SYN3: variants seen among roughly 807,000 people sequenced by gnomAD.
The protein encoded by SYN3 is synapsin-3.
Under a neutral mutation model 65.8 loss-of-function variants are expected in SYN3, and 35 were observed. That is an observed-to-expected ratio of 0.53 (90% CI 0.41 to 0.70). SYN3 has a LOEUF of 0.70. Ranked by LOEUF, SYN3 falls within the 30% of genes least tolerant of loss-of-function variation. The probability of loss-of-function intolerance (pLI) is 0.00; values close to 1 mark genes in which losing one functional copy is unlikely to be tolerated. For missense variants in SYN3, 680 were observed against 749.0 expected (o/e 0.91, Z 1.08); for synonymous variants, 270 against 292.9 (o/e 0.92, Z 0.80).
At chr22:32,671,491 T>C (rs1393756103) in intron 6 of SYN3, among the ~76,000 whole-genome samples, 3 of 151,876 alleles carry the variant, frequency 2.0e-5, no homozygotes, top group African/African-American at 7.3e-5. Flanking sequence ...ACACATGCTG[T>C]CGCACAGGTG....
intron 6 of SYN3, among the ~76,000 whole-genome samples, chr22:32,786,435 T>C (rs1286327533): frequency 2.0e-5 from 3 of 151,720 alleles, no homozygotes; most frequent in African/African-American, 7.3e-5. Context: ...GCTGGAGTGC[T>C]CACTGCAAGC....
At chr22:32,940,188 A>C (rs2050895056) in intron 3 of SYN3, among the ~76,000 whole-genome samples, 1 of 152,084 alleles carries the variant, frequency 6.6e-6, no homozygotes, top group African/African-American at 2.4e-5. Context: ...TTTTTTGTTC[A>C]CATTTGTATT....
At chr22:33,042,894 T>A (rs1273754862) in intron 1 of SYN3, among the ~76,000 whole-genome samples, 2 of 152,222 alleles carry the variant, frequency 1.3e-5, no homozygotes, top group Non-Finnish European at 2.9e-5. Flanking sequence ...ATCCCTGAGC[T>A]GCAGGTGGAA....
chr22:32,876,843 T>C (rs2048997116), intron 4 of SYN3, among the ~76,000 whole-genome samples: 1 of 152,250 alleles, frequency 6.6e-6, no homozygotes, highest in Admixed American at 6.5e-5. Flanking sequence ...AGGTGGCAGG[T>C]GATTTCTCTT....
chr22:32,717,081 A>G (rs1394247684), intron 6 of SYN3, among the ~76,000 whole-genome samples: 2 of 152,114 alleles, frequency 1.3e-5, no homozygotes, highest in African/African-American at 4.8e-5. Context: ...ACTTACATAT[A>G]TCAACTCATT....
chr22:32,610,873 C>T (rs1361594066), intron 6 of SYN3, among the ~76,000 whole-genome samples: 3 of 152,206 alleles, frequency 2.0e-5, no homozygotes. Context: ...TGAGCCACTG[C>T]GTCCAGCCAC....
At chr22:33,051,707 T>TCC (rs2054170223) in intron 1 of SYN3, among the ~76,000 whole-genome samples, 1 of 151,210 alleles carries the variant, frequency 6.6e-6, no homozygotes, top group African/African-American at 2.4e-5. Context: ...GACCCAAAGG[T>TCC]CCCCCCAAAT....
At chr22:32,881,866 G>T (rs1322559736) in intron 4 of SYN3, among the ~76,000 whole-genome samples, 2 of 152,030 alleles carry the variant, frequency 1.3e-5, no homozygotes, top group Non-Finnish European at 2.9e-5. Context: ...GACCAGCCTG[G>T]CCAATATGGT....
intron 6 of SYN3, among the ~76,000 whole-genome samples, chr22:32,694,389 T>C (rs1033622778): frequency 6.6e-6 from 1 of 152,196 alleles, no homozygotes; most frequent in African/African-American, 2.4e-5. Context: ...CTGTTTAGCC[T>C]TAGTTTGGTA....
intron 6 of SYN3, among the ~76,000 whole-genome samples, chr22:32,616,369 C>T (rs941264295): frequency 7.2e-5 from 11 of 152,160 alleles, no homozygotes; most frequent in African/African-American, 2.2e-4. Context: ...ATGCTAAGGA[C>T]GGACATGTCT....
At chr22:32,597,121 G>A (rs903425868) in intron 6 of SYN3, among the ~76,000 whole-genome samples, 2 of 151,204 alleles carry the variant, frequency 1.3e-5, no homozygotes, top group Non-Finnish European at 1.5e-5. Context: ...CGGGGTTGCT[G>A]TGAGGATTGA....
rs183154496 is a variant in SYN3, at chr22:32,773,931, C to A, written c.711+90984G>T. Among the ~76,000 whole-genome samples, 247 of 152,156 alleles carry A rather than the reference C, an allele frequency of 1.6e-3. 1 individual carries two copies. Among genetic ancestry groups the A allele is most frequent in the African/African-American group, 5.9e-3 (243 of 41,496 alleles). On this transcript the variant is annotated intron_variant, in intron 6 of 13. Transcript: ENST00000358763. Reference sequence around the variant, plus strand: ...AAGATGAGCTGGAGTCAGAAGTGGACAAGGTTTGGAACGGAACTGCCAGTA... The same window carrying A: ...AAGATGAGCTGGAGTCAGAAGTGGAAAAGGTTTGGAACGGAACTGCCAGTA...
intron 6 of SYN3, among the ~76,000 whole-genome samples, chr22:32,851,765 A>T (rs2048224390): frequency 6.6e-6 from 1 of 152,140 alleles, no homozygotes; most frequent in Non-Finnish European, 1.5e-5. Flanking sequence ...CATCTTAATC[A>T]TCAGTCACCA....
At chr22:33,000,934 C>G (rs1293442723) in intron 2 of SYN3, among the ~76,000 whole-genome samples, 3 of 152,148 alleles carry the variant, frequency 2.0e-5, no homozygotes, top group Non-Finnish European at 4.4e-5. Flanking sequence ...TTCTTCAGGA[C>G]AGGACCGAGA....
intron 6 of SYN3, among the ~76,000 whole-genome samples, chr22:32,665,807 C>T (rs968096854): frequency 4.6e-5 from 7 of 152,080 alleles, no homozygotes; most frequent in Non-Finnish European, 7.4e-5. Context: ...CTTTAGTAAC[C>T]TCATGTAGCC....
intron 3 of SYN3, among the ~76,000 whole-genome samples, chr22:32,954,813 G>A (rs114700096): frequency 0.016 from 2,365 of 152,068 alleles, 27 homozygotes; most frequent in Middle Eastern, 0.037. Flanking sequence ...GAGCTGAAGC[G>A]GGGCTGGTAC....
intron 6 of SYN3, among the ~76,000 whole-genome samples, chr22:32,792,620 C>T (rs1473878804): frequency 6.6e-6 from 1 of 152,048 alleles, no homozygotes; most frequent in Non-Finnish European, 1.5e-5. Context: ...AAGGGCACAC[C>T]CGCACCCCTA....
At chr22:32,951,689 GGCCAA>G (rs2051295193) in intron 3 of SYN3, among the ~76,000 whole-genome samples, 1 of 152,208 alleles carries the variant, frequency 6.6e-6, no homozygotes, top group Admixed American at 6.5e-5. Context: ...CCCATACCCA[GGCCAA>G]CATGCTTCAC....
At chr22:32,646,865 G>A (rs915559455) in intron 6 of SYN3, among the ~76,000 whole-genome samples, 4 of 152,340 alleles carry the variant, frequency 2.6e-5, no homozygotes, top group African/African-American at 9.6e-5. Context: ...TATTCCAGAT[G>A]GAGCAGCTGA....
Sources: allele counts gnomAD v4.1 joint callset (sites outside exome capture counted in the v4.1 genomes callset), GRCh38; gene constraint gnomAD v4.1.1; transcripts MANE v1.5; gene names NCBI Gene and HGNC (gene_info 2026-07-23, HGNC 2026-07-21).